Variants in NTRK3 observed in about 807,000 individuals in gnomAD.
The protein encoded by NTRK3 is NT-3 growth factor receptor.
Under a neutral mutation model 91.7 loss-of-function variants are expected in NTRK3, and 24 were observed. That is an observed-to-expected ratio of 0.26 (90% CI 0.19 to 0.37). The LOEUF is 0.37. Among genes scored for constraint, NTRK3 ranks in the 10% least tolerant of loss-of-function variants. NTRK3 has a pLI of 1.00. For synonymous variants in NTRK3, 483 were observed against 404.0 expected, an observed-to-expected ratio of 1.20 and a Z score of -2.34; for missense variants, 880 against 1,068.9, an observed-to-expected ratio of 0.82 and a Z score of 2.46.
Position 88,110,617 on chromosome 15 carries a change from A to T in NTRK3, c.1396+15654T>A, listed in dbSNP as rs562455768. Among the ~76,000 whole-genome samples the T allele has an allele frequency of 3.3e-5, 5 of 152,312 alleles. No individual in the cohort carries two copies. The South Asian group carries it at 1.0e-3, about 32-fold the overall frequency. On this transcript the variant is annotated intron_variant, in intron 13 of 18. Coordinates refer to ENST00000394480, the Ensembl canonical transcript of NTRK3. ...CTGCAGTGAGCAAACACAACAGTCT[A>T]CTTGGAGAGGCAAAGCACTAATCAA...
chr15:87,909,604 A>G (rs1276272805), intron 17 of NTRK3, among the ~76,000 whole-genome samples: 1 of 152,152 alleles, frequency 6.6e-6, no homozygotes, highest in East Asian at 1.9e-4. Flanking sequence ...GCAGTTGGGA[A>G]GAGAAGGTGT....
At chr15:88,246,531 G>A (rs1598161518) in intron 3 of NTRK3, among the ~76,000 whole-genome samples, 1 of 152,290 alleles carries the variant, frequency 6.6e-6, no homozygotes, top group East Asian at 1.9e-4. Flanking sequence ...CTTCCTCCAT[G>A]ATACTAGCCC....
At chr15:88,015,706 ATC>A (rs2077188496) in intron 14 of NTRK3, among the ~76,000 whole-genome samples, 1 of 152,126 alleles carries the variant, frequency 6.6e-6, no homozygotes, top group Non-Finnish European at 1.5e-5. Context: ...CACTCTGTTC[ATC>A]TCTCAGCCTC....
chr15:88,120,492 T>C (rs996949869), intron 13 of NTRK3, among the ~76,000 whole-genome samples: 3 of 152,214 alleles, frequency 2.0e-5, no homozygotes, highest in Non-Finnish European at 4.4e-5. Flanking sequence ...ACTTAAGGCA[T>C]TGCCGGAAGC....
At chr15:88,088,161 A>C (rs1176754020) in intron 13 of NTRK3, among the ~76,000 whole-genome samples, 1 of 152,214 alleles carries the variant, frequency 6.6e-6, no homozygotes, top group East Asian at 1.9e-4. Flanking sequence ...TAAGTCATGA[A>C]ACCTTCTGGG....
chr15:88,108,696 A>T (rs1246702251), intron 13 of NTRK3, among the ~76,000 whole-genome samples: 1 of 152,248 alleles, frequency 6.6e-6, no homozygotes, highest in Non-Finnish European at 1.5e-5. Context: ...ACTTTCCAAA[A>T]TAAAAATTGC....
chr15:88,190,723 C>T (rs1226592002), intron 3 of NTRK3, among the ~76,000 whole-genome samples: 2 of 152,132 alleles, frequency 1.3e-5, no homozygotes, highest in African/African-American at 2.4e-5. Context: ...CACGCTAGCA[C>T]CGGAAGCCAG....
chr15:88,211,035 A>G (rs1322387025), intron 3 of NTRK3, among the ~76,000 whole-genome samples: 3 of 152,252 alleles, frequency 2.0e-5, no homozygotes, highest in Non-Finnish European at 4.4e-5. Flanking sequence ...GCAAATTTAC[A>G]TAACATAAAA....
chr15:88,191,093 G>A (rs548422734), intron 3 of NTRK3, among the ~76,000 whole-genome samples: 4 of 152,084 alleles, frequency 2.6e-5, no homozygotes, highest in Non-Finnish European at 4.4e-5. Context: ...TTTACATGGC[G>A]GTACCTAAGC....
At chr15:88,213,785 T>C (rs2049474058) in intron 3 of NTRK3, among the ~76,000 whole-genome samples, 1 of 152,114 alleles carries the variant, frequency 6.6e-6, no homozygotes, top group African/African-American at 2.4e-5. Flanking sequence ...TTAAGTAAGA[T>C]TTGAAACGAG....
At chr15:87,967,168 G>A (rs1567163159) in intron 14 of NTRK3, among the ~76,000 whole-genome samples, 1 of 152,098 alleles carries the variant, frequency 6.6e-6, no homozygotes, top group Non-Finnish European at 1.5e-5. Flanking sequence ...TGATCTCAGA[G>A]GTATTCCTTG....
At chr15:87,911,882 C>T (rs1407293876) in intron 17 of NTRK3, among the ~76,000 whole-genome samples, 1 of 152,192 alleles carries the variant, frequency 6.6e-6, no homozygotes, top group Non-Finnish European at 1.5e-5. Flanking sequence ...ATGAATACTG[C>T]CCTTAAAGAA....
In NTRK3 at chr15:88,128,752, AG is replaced by A; in HGVS notation, c.1205-19del. The A allele has an allele frequency of 6.2e-7, 1 of 1,612,682 alleles. No individual in the cohort carries two copies. Among genetic ancestry groups the A allele is most frequent in the African/African-American group, 1.3e-5 (1 of 75,022 alleles). ...CGTGCTCTCTGCAAAAAAAGGACAAAGAGATAATTAACAAATTTAATAAAAA... is the reference window on the plus strand; with the variant it reads ...CGTGCTCTCTGCAAAAAAAGGACAAAAGATAATTAACAAATTTAATAAAAA... On this transcript the variant is annotated intron_variant, in intron 10 of 18. Transcript: ENST00000394480.
At chr15:88,230,739 AC>A (rs2051111586) in intron 3 of NTRK3, among the ~76,000 whole-genome samples, 1 of 152,162 alleles carries the variant, frequency 6.6e-6, no homozygotes, top group African/African-American at 2.4e-5. Context: ...AAAAGACAAA[AC>A]CACCCTGTAA....
At chr15:87,890,393 G>A (rs748725683) in intron 17 of NTRK3, among the ~76,000 whole-genome samples, 1 of 152,094 alleles carries the variant, frequency 6.6e-6, no homozygotes, top group African/African-American at 2.4e-5. Flanking sequence ...TAAATAAAAA[G>A]TTCCTTTCAT....
At chr15:88,181,277 C>T (rs1300596627) in intron 5 of NTRK3, among the ~76,000 whole-genome samples, 1 of 152,136 alleles carries the variant, frequency 6.6e-6, no homozygotes, top group Non-Finnish European at 1.5e-5. Flanking sequence ...ACCCACAAAG[C>T]CTTGGGAATC....
chr15:88,041,951 C>T (rs963372196), intron 13 of NTRK3, among the ~76,000 whole-genome samples: 3 of 151,880 alleles, frequency 2.0e-5, no homozygotes, highest in African/African-American at 4.8e-5. Context: ...TCCACAGAGT[C>T]AGATCATGAC....
intron 17 of NTRK3, among the ~76,000 whole-genome samples, chr15:87,911,124 A>G (rs1205018664): frequency 6.6e-6 from 1 of 152,224 alleles, no homozygotes; most frequent in East Asian, 1.9e-4. Flanking sequence ...AGAGCAAGAT[A>G]AACACAGTCA....
intron 5 of NTRK3, among the ~76,000 whole-genome samples, chr15:88,179,276 T>A (rs1460426806): frequency 6.6e-6 from 1 of 152,222 alleles, no homozygotes; most frequent in Non-Finnish European, 1.5e-5. Flanking sequence ...ACTTTTTAAA[T>A]TGCTTCTGTG....
Sources: allele counts gnomAD v4.1 joint callset (sites outside exome capture counted in the v4.1 genomes callset), GRCh38; gene constraint gnomAD v4.1.1; transcripts MANE v1.5; gene names NCBI Gene and HGNC (gene_info 2026-07-23, HGNC 2026-07-21).